TAS2R1: variants seen among roughly 807,000 people sequenced by gnomAD.
TAS2R1 encodes taste receptor type 2 member 1.
For synonymous variants in TAS2R1, 141 were observed against 134.2 expected, an observed-to-expected ratio of 1.05 and a Z score of -0.35; for missense variants, 370 against 353.4, an observed-to-expected ratio of 1.05 and a Z score of -0.38.
the TAS2R1 span, among the ~76,000 whole-genome samples, chr5:9,814,779 T>C: frequency 6.6e-5 from 10 of 152,164 alleles, no homozygotes; most frequent in African/African-American, 2.2e-4. Flanking sequence ...AAAAAAAGTG[T>C]ATGACTTTGG....
At chr5:9,825,634 T>TCTCTCAGGAAATTTGTAC in the TAS2R1 span, among the ~76,000 whole-genome samples, 1 of 152,236 alleles carries the variant, frequency 6.6e-6, no homozygotes, top group Non-Finnish European at 1.5e-5. Flanking sequence ...ATTTTCCTGC[T>TCTCTCAGGAAATTTGTAC]TCTCAAATTA....
the TAS2R1 span, among the ~76,000 whole-genome samples, chr5:9,749,033 T>A: frequency 6.6e-6 from 1 of 152,160 alleles, no homozygotes; most frequent in African/African-American, 2.4e-5. Flanking sequence ...TAGCTAAATC[T>A]TTTTCTCTTT....
upstream of TAS2R1, among the ~76,000 whole-genome samples, chr5:9,631,657 C>T (rs540832147): frequency 7.9e-5 from 12 of 152,248 alleles, no homozygotes; most frequent in Middle Eastern, 6.8e-3. Flanking sequence ...ACCTGGCAGA[C>T]CTGATAATGA....
chr5:9,790,488 T>C, the TAS2R1 span, among the ~76,000 whole-genome samples: 1 of 152,162 alleles, frequency 6.6e-6, no homozygotes, highest in Non-Finnish European at 1.5e-5. Flanking sequence ...CTGTTTCCCG[T>C]CAACGGCAAG....
chr5:9,809,743 T>C, the TAS2R1 span, among the ~76,000 whole-genome samples: 3 of 152,222 alleles, frequency 2.0e-5, no homozygotes, highest in East Asian at 5.8e-4. Flanking sequence ...CCACCTTGAT[T>C]ACATTCTCTG....
the TAS2R1 span, among the ~76,000 whole-genome samples, chr5:9,752,163 C>T: frequency 6.6e-6 from 1 of 152,204 alleles, no homozygotes; most frequent in African/African-American, 2.4e-5. Context: ...GTTAGATACA[C>T]TACCCATTCT....
Position 9,637,697 on chromosome 5 carries a change from T to C in TAS2R1, c.-80-7705A>G, listed in dbSNP as rs188180116. 1.6e-3 allele frequency among the ~76,000 whole-genome samples: 248 copies of C among 152,304 alleles called. 1 individual carries two copies. The highest frequency in any genetic ancestry group is 5.7e-3 in the African/African-American group (237 of 41,584). On this transcript the variant is annotated intron_variant, in intron 2 of 2. Transcript: ENST00000506620. ...ATAGTCTTCAAGCTCTGAATTTCTT[T>C]CTTCTACTTGTTCTGTTCTATATTT...
chr5:9,813,046 G>A, the TAS2R1 span, among the ~76,000 whole-genome samples: 1 of 152,088 alleles, frequency 6.6e-6, no homozygotes, highest in African/African-American at 2.4e-5. Context: ...GAACTTATTT[G>A]GAGATAAGGT....
At chr5:9,753,664 G>A in the TAS2R1 span, among the ~76,000 whole-genome samples, 2 of 152,168 alleles carry the variant, frequency 1.3e-5, no homozygotes, top group African/African-American at 2.4e-5. Context: ...TTTCTTCTAG[G>A]GTTTTTATGG....
At chr5:9,633,294 T>TATATATA (rs1476544403), upstream of TAS2R1, among the ~76,000 whole-genome samples, 12 of 67,792 alleles carry the variant, frequency 1.8e-4, no homozygotes, top group East Asian at 3.3e-3. Context: ...TGTGTGTATA[T>TATATATA]TATATATATA....
At chr5:9,827,653 T>A in the TAS2R1 span, among the ~76,000 whole-genome samples, 2 of 151,538 alleles carry the variant, frequency 1.3e-5, no homozygotes, top group East Asian at 3.9e-4. Context: ...TGTTGTGGCA[T>A]GCACTTGTAG....
the TAS2R1 span, among the ~76,000 whole-genome samples, chr5:9,897,067 G>A: frequency 6.6e-6 from 1 of 152,184 alleles, no homozygotes; most frequent in African/African-American, 2.4e-5. Flanking sequence ...TACTTACCCA[G>A]AAGACTAAGG....
chr5:9,807,500 C>G, the TAS2R1 span, among the ~76,000 whole-genome samples: 2 of 152,224 alleles, frequency 1.3e-5, no homozygotes, highest in East Asian at 3.9e-4. Context: ...GGAACCAGCC[C>G]AAATGCCCAT....
chr5:9,738,754 T>A, the TAS2R1 span, among the ~76,000 whole-genome samples: 7 of 152,084 alleles, frequency 4.6e-5, no homozygotes, highest in African/African-American at 1.7e-4. Flanking sequence ...AAGTAATGAC[T>A]AATAAACCCC....
the TAS2R1 span, among the ~76,000 whole-genome samples, chr5:9,857,447 C>G: frequency 6.6e-6 from 1 of 152,100 alleles, no homozygotes; most frequent in East Asian, 1.9e-4. Context: ...TATGGAGCAT[C>G]AGGAAGAGTA....
intron 2 of TAS2R1, among the ~76,000 whole-genome samples, chr5:9,653,779 T>A (rs1219741325): frequency 6.6e-6 from 1 of 152,228 alleles, no homozygotes; most frequent in Non-Finnish European, 1.5e-5. Context: ...TTAATGAATA[T>A]ATCTGAAAAT....
chr5:9,770,580 TTCAATTTC>T, the TAS2R1 span, among the ~76,000 whole-genome samples: 7 of 152,254 alleles, frequency 4.6e-5, no homozygotes, highest in Admixed American at 3.3e-4. Context: ...GTGTGTCCTC[TTCAATTTC>T]TTGCATCAAT....
chr5:9,725,670 A>C, the TAS2R1 span, among the ~76,000 whole-genome samples: 1 of 146,736 alleles, frequency 6.8e-6, no homozygotes, highest in Non-Finnish European at 1.5e-5. Flanking sequence ...CCCCTGCTCC[A>C]CGGCGCCCAG....
At chr5:9,885,610 G>A in the TAS2R1 span, among the ~76,000 whole-genome samples, 1 of 152,174 alleles carries the variant, frequency 6.6e-6, no homozygotes, top group African/African-American at 2.4e-5. Flanking sequence ...AGAAGCTAAA[G>A]TATGAGAAGC....
Sources: allele counts gnomAD v4.1 joint callset (sites outside exome capture counted in the v4.1 genomes callset), GRCh38; gene constraint gnomAD v4.1.1; transcripts MANE v1.5; gene names NCBI Gene and HGNC (gene_info 2026-07-23, HGNC 2026-07-21).